PCNX3: variants seen among roughly 807,000 people sequenced by gnomAD.
The protein encoded by PCNX3 is pecanex 3.
Under a neutral mutation model 207.2 loss-of-function variants are expected in PCNX3, and 58 were observed. The observed-to-expected ratio is 0.28, with a 90% CI of 0.23 to 0.35. The LOEUF is 0.35. Among genes scored for constraint, PCNX3 ranks in the 10% least tolerant of loss-of-function variants. The probability of loss-of-function intolerance (pLI) is 1.00; values close to 1 mark genes in which losing one functional copy is unlikely to be tolerated. For missense variants in PCNX3, 2,410 were observed against 2,774.4 expected, an observed-to-expected ratio of 0.87 and a Z score of 2.95; for synonymous variants, 1,337 against 1,183.5, an observed-to-expected ratio of 1.13 and a Z score of -2.66.
At position 65,634,988 on chromosome 11, in the gene PCNX3, C is replaced by A. The variant is rs761954153; in HGVS notation, c.4821C>A (p.Leu1607=). 3 of 1,613,582 alleles carry A rather than the reference C, an allele frequency of 1.9e-6. No individual in the cohort carries two copies. Among genetic ancestry groups the A allele is most frequent in the Non-Finnish European group, 2.5e-6 (3 of 1,179,594 alleles). ...TCCCACTTAGCCTGGAGCCCTTCCTCTACGGCCTGCACGCCCTGTTCAAGG... is the reference window on the plus strand; with the variant it reads ...TCCCACTTAGCCTGGAGCCCTTCCTATACGGCCTGCACGCCCTGTTCAAGG... ...HSMSASLEPF[L]YGLHALFKGD... Residue 1607 remains leucine (L), a synonymous_variant, in exon 30 of 35, where the codon CTC becomes CTA. Transcript: ENST00000355703.
Position 65,619,902 on chromosome 11 carries a change from G to C in PCNX3, c.1978G>C (p.Gly660Arg). Residue 660 changes from glycine (G) to arginine (R), a missense_variant, in exon 8 of 35, where the codon GGT becomes CGT. Physicochemically the swap from Gly to Arg is moderately radical, Grantham distance 125. This residue lies in a region of PCNX3 where 1,104 missense variants were observed against 970.3 expected (regional missense o/e 1.14). Coordinates refer to ENST00000355703, the MANE Select transcript of PCNX3 (RefSeq NM_032223.4). ...EACTFDDTSE[G>R]AVHYFYDESG... is the part of the protein sequence containing the mutation. ...CTGCACCTTTGATGACACTTCTGAG[G>C]GTGCTGTGCACTATTTCTACGATGA... 6.2e-7 allele frequency: 1 copy of C among 1,611,474 alleles called. No homozygotes were observed. The highest frequency in any genetic ancestry group is 8.5e-7 in the Non-Finnish European group (1 of 1,179,118).
At chr11:65,620,199 T>C (rs557190374) in intron 8 of PCNX3, 140 bp from the exon 9 acceptor site, 1 of 947,514 alleles carries the variant, frequency 1.1e-6, no homozygotes, top group South Asian at 1.7e-5. Context: ...GTAGGCCCTT[T>C]CCTCTCCAGA....
intron 27 of PCNX3, among the ~76,000 whole-genome samples, 185 bp downstream of exon 27, chr11:65,630,789 G>A (rs893169214): frequency 6.6e-6 from 1 of 152,224 alleles, no homozygotes; most frequent in Non-Finnish European, 1.5e-5. Context: ...GGGCCTCTGT[G>A]CCCATATGGC....
At chr11:65,631,970 C>A (rs539727802) in intron 27 of PCNX3, among the ~76,000 whole-genome samples, 1 of 152,170 alleles carries the variant, frequency 6.6e-6, no homozygotes, top group East Asian at 1.9e-4. Context: ...TGTGAGACCA[C>A]CCCCCTTTCA....
intron 27 of PCNX3, among the ~76,000 whole-genome samples, chr11:65,632,621 G>A (rs189362955): frequency 2.4e-4 from 33 of 139,248 alleles, no homozygotes; most frequent in African/African-American, 7.9e-4. Context: ...ATTGCCCCCC[G>A]TCTTCATTTT....
At chr11:65,617,755 C>T (rs757396463) in intron 5 of PCNX3, 49 bp downstream of exon 5, 6 of 1,540,336 alleles carry the variant, frequency 3.9e-6, no homozygotes, top group Non-Finnish European at 5.3e-6. Context: ...CCAGCTGTTT[C>T]GTTGTTGAAT....
intron 29 of PCNX3, 96 bp downstream of exon 29, chr11:65,634,737 C>G: frequency 7.9e-7 from 1 of 1,268,528 alleles, no homozygotes; most frequent in South Asian, 1.4e-5. Flanking sequence ...GCCACAGAAA[C>G]TGCAGTGGCC....
chr11:65,633,158 C>T (rs1283832666), intron 27 of PCNX3, among the ~76,000 whole-genome samples: 1 of 152,198 alleles, frequency 6.6e-6, no homozygotes, highest in African/African-American at 2.4e-5. Context: ...AAGGGCCTGC[C>T]CCATTAGCTC....
chr11:65,631,980 A>G (rs1565170167), intron 27 of PCNX3, among the ~76,000 whole-genome samples: 1 of 151,832 alleles, frequency 6.6e-6, no homozygotes, highest in African/African-American at 2.4e-5. Flanking sequence ...CCCCCCTTTC[A>G]TCAAGAAGGA....
At position 65,630,339 on chromosome 11, in the gene PCNX3, C is replaced by T. The variant is rs191541659; in HGVS notation, c.4217-12C>T. The T allele has an allele frequency of 8.6e-4, 1,380 of 1,612,138 alleles. 3 individuals are homozygous for T. Among genetic ancestry groups the T allele is most frequent in the Non-Finnish European group, 1.1e-3 (1,250 of 1,179,442 alleles). ...TTCTAGCAGCCCCTGACTGCACACCCCTCCTCCACAGGCACTTACTGCCAG... is the reference window on the plus strand; with the variant it reads ...TTCTAGCAGCCCCTGACTGCACACCTCTCCTCCACAGGCACTTACTGCCAG... On this transcript the variant is annotated splice_polypyrimidine_tract_variant and intron_variant, in intron 26 of 34. Coordinates refer to ENST00000355703, the MANE Select transcript of PCNX3 (RefSeq NM_032223.4).
At chr11:65,627,347 C>T in intron 21 of PCNX3, 58 bp from the exon 22 acceptor site, 1 of 1,554,052 alleles carries the variant, frequency 6.4e-7, no homozygotes. Context: ...GGATGGGACA[C>T]CTATACCCAC....
intron 10 of PCNX3, among the ~76,000 whole-genome samples, chr11:65,621,656 C>T (rs569037924): frequency 2.0e-5 from 3 of 152,314 alleles, no homozygotes; most frequent in African/African-American, 7.2e-5. Context: ...GGAAGGGTTG[C>T]GTGCCTCTGG....
At position 65,617,483 on chromosome 11, in the gene PCNX3, G is replaced by T; in HGVS notation, c.455G>T (p.Arg152Leu). 2 of 1,613,906 alleles carry T rather than the reference G, an allele frequency of 1.2e-6. No individual in the cohort carries two copies. The highest frequency in any genetic ancestry group is 1.1e-5 in the South Asian group (1 of 91,050). ...GFNQVSELLP[R>L]MEDSGPLRDI... Reference sequence around the variant, plus strand: ...CTGTCTACTCAGGAGCTGCTGCCCCGAATGGAGGACTCTGGGCCCCTTAGA... The same window carrying T: ...CTGTCTACTCAGGAGCTGCTGCCCCTAATGGAGGACTCTGGGCCCCTTAGA... Residue 152 changes from arginine to leucine, a missense_variant, in exon 4 of 35, where the codon CGA (arginine) becomes CTA (leucine). Arg to Leu is a moderately radical substitution (Grantham distance 102). Transcript: ENST00000355703.
At chr11:65,619,278 T>G in intron 6 of PCNX3, 1 of 368,634 alleles carries the variant, frequency 2.7e-6, no homozygotes, top group Non-Finnish European at 3.8e-6. Context: ...GATTAGCACC[T>G]GAGTCTCTGT....
chr11:65,636,399 G>A lies in PCNX3; in HGVS notation c.5602G>A (p.Asp1868Asn). The A allele has an allele frequency of 6.4e-7, 1 of 1,560,194 alleles. No individual in the cohort carries two copies. The highest frequency in any genetic ancestry group is 8.7e-7 in the Non-Finnish European group (1 of 1,153,326). ...TTATCTGTCTCCTACAGGCAATGGT[G>A]ACCAACCCCTCCCACCAGGCCCTGG... Reference protein sequence around the residue: ...PTPENTAGNGDQPLPPGPGWG... With the variant: ...PTPENTAGNGNQPLPPGPGWG... Residue 1868 changes from aspartate to asparagine, a missense_variant, in exon 34 of 35, where the codon GAC (aspartate) becomes AAC (asparagine). Physicochemically the swap from Asp to Asn is conservative, Grantham distance 23. Around this residue, in one of 8 missense-constraint regions of PCNX3, gnomAD observed 278 missense variants for 245.1 expected, o/e 1.13. Transcript: ENST00000355703.
intron 27 of PCNX3, among the ~76,000 whole-genome samples, chr11:65,631,260 C>CCCTGGAATGGGGGTTCTGATCAG (rs1165293780): frequency 1.3e-5 from 2 of 152,098 alleles, no homozygotes; most frequent in Non-Finnish European, 1.5e-5. Context: ...ACATAAGGAG[C>CCCTGGAATGGGGGTTCTGATCAG]CCTGGAATGG....
chr11:65,619,462 C>T, intron 6 of PCNX3, 75 bp from the exon 7 acceptor site: 2 of 1,559,868 alleles, frequency 1.3e-6, no homozygotes, highest in Admixed American at 1.8e-5. Flanking sequence ...CCTGGCGGAA[C>T]ACCGTCCCCA....
chr11:65,625,996 G>C lies in PCNX3; in HGVS notation c.3321G>C (p.Trp1107Cys). ...CACAACTCCGCAAACAGCTGCCCTG[G>C]TTCTGCCTGTCACAGCCCGTGCTGA... ...LLPQLRKQLP[W>C]FCLSQPVLKP... Residue 1107 changes from tryptophan to cysteine, a missense_variant, in exon 20 of 35, where the codon TGG (tryptophan) becomes TGC (cysteine). Trp to Cys is a radical substitution (Grantham distance 215). Around this residue, in one of 8 missense-constraint regions of PCNX3, gnomAD observed 333 missense variants for 386.8 expected, o/e 0.86. Transcript: ENST00000355703. This position sits in a 1 kb window ranked among gnomAD's most constrained non-coding sequence, Gnocchi z 5.6. 6.2e-7 allele frequency: 1 copy of C among 1,613,604 alleles called. No individual in the cohort carries two copies. The highest frequency in any genetic ancestry group is 1.3e-5 in the African/African-American group (1 of 75,076).
In PCNX3 at chr11:65,628,868, G is replaced by A. The variant is rs777819861; in HGVS notation, c.3861G>A (p.Thr1287=). 22 of 1,612,536 alleles carry A rather than the reference G, an allele frequency of 1.4e-5. No homozygotes were observed. The highest frequency in any genetic ancestry group is 3.3e-4 in the Middle Eastern group (2 of 6,084). The change falls in exon 24 of 35, where the codon ACG becomes ACA. Residue 1287 remains threonine (T), a synonymous_variant. Coordinates refer to ENST00000355703, the MANE Select transcript of PCNX3 (RefSeq NM_032223.4). The part of the protein sequence containing the change: ...VQALLSGLFS[T]PLNPLLGSAV... ...CCCTGCTCTCGGGGCTCTTCTCCAC[G>A]CCTCTCAACCCACTGCTAGGCAGTG... is the stretch of plus-strand genomic sequence containing the variant.
Sources: allele counts gnomAD v4.1 joint callset (sites outside exome capture counted in the v4.1 genomes callset), GRCh38; gene constraint gnomAD v4.1.1; regional missense constraint gnomAD v4.1.1; non-coding constraint Gnocchi (gnomAD v3.1); transcripts MANE v1.5; gene names NCBI Gene and HGNC (gene_info 2026-07-23, HGNC 2026-07-21).